GRAMD2B: variants seen among roughly 807,000 people sequenced by gnomAD.
The protein encoded by GRAMD2B is GRAM domain containing 2B.
GRAMD2B carries 41 observed loss-of-function variants against 59.2 expected under a neutral mutation model. The ratio of observed to expected loss-of-function variants is 0.69; its 90% confidence interval spans 0.54 to 0.90. The LOEUF is 0.90. Ranked by LOEUF, GRAMD2B falls within the 40% of genes least tolerant of loss-of-function variation. The pLI is 0.00. For missense variants in GRAMD2B, 424 were observed against 500.5 expected (o/e 0.85, Z 1.46); for synonymous variants, 161 against 182.7 (o/e 0.88, Z 0.96).
chr5:126,461,620 C>A (rs1390061461), intron 1 of GRAMD2B, among the ~76,000 whole-genome samples: 2 of 151,910 alleles, frequency 1.3e-5, no homozygotes, highest in African/African-American at 4.8e-5. Context: ...GCCAACACAG[C>A]GAAACCCCGT....
At chr5:126,402,823 T>A (rs1757953461) in intron 1 of GRAMD2B, among the ~76,000 whole-genome samples, 1 of 152,034 alleles carries the variant, frequency 6.6e-6, no homozygotes, top group African/African-American at 2.4e-5. Flanking sequence ...GATCCAAAAA[T>A]ATCTCTGAAC....
chr5:126,441,157 T>C (rs1276505697), intron 1 of GRAMD2B, among the ~76,000 whole-genome samples: 2 of 152,116 alleles, frequency 1.3e-5, no homozygotes, highest in Non-Finnish European at 2.9e-5. Flanking sequence ...AGAACATAAT[T>C]ATATATTTTT....
intron 1 of GRAMD2B, among the ~76,000 whole-genome samples, chr5:126,441,162 A>T (rs1763224187): frequency 6.6e-6 from 1 of 152,066 alleles, no homozygotes; most frequent in African/African-American, 2.4e-5. Flanking sequence ...ATAATTATAT[A>T]TTTTTTTCTT....
chr5:126,393,582 C>T (rs997377927), intron 1 of GRAMD2B, among the ~76,000 whole-genome samples: 1 of 152,152 alleles, frequency 6.6e-6, no homozygotes, highest in African/African-American at 2.4e-5. Context: ...CCAACTTCTC[C>T]AGAACCAGAC....
At chr5:126,394,371 G>T (rs1053024412) in intron 1 of GRAMD2B, among the ~76,000 whole-genome samples, 3 of 152,132 alleles carry the variant, frequency 2.0e-5, no homozygotes, top group African/African-American at 7.2e-5. Context: ...ATCAGTTCAG[G>T]TATTTAAAGG....
intron 1 of GRAMD2B, among the ~76,000 whole-genome samples, chr5:126,380,412 AT>A (rs370182664): frequency 0.015 from 2,301 of 149,124 alleles, 60 homozygotes; most frequent in African/African-American, 0.053. Context: ...GAATTTTAGG[AT>A]TTTTTTTTTC....
At chr5:126,412,613 G>T (rs1016010801) in intron 1 of GRAMD2B, among the ~76,000 whole-genome samples, 4 of 152,076 alleles carry the variant, frequency 2.6e-5, no homozygotes, top group Non-Finnish European at 2.9e-5. Context: ...TCAGGGTGAT[G>T]CTGGCTTTAT....
chr5:126,474,051 G>A (rs1296217042), intron 5 of GRAMD2B, among the ~76,000 whole-genome samples: 1 of 152,196 alleles, frequency 6.6e-6, no homozygotes, highest in African/African-American at 2.4e-5. Flanking sequence ...GGGACCGTGG[G>A]ACTATGGCCT....
At chr5:126,447,432 G>A (rs758859584) in intron 1 of GRAMD2B, among the ~76,000 whole-genome samples, 6 of 152,200 alleles carry the variant, frequency 3.9e-5, no homozygotes, top group Non-Finnish European at 8.8e-5. Context: ...GGAGGCCAAG[G>A]CGGGCAGATC....
rs182814970 is a variant in GRAMD2B at position 126,480,071 on chromosome 5, C to A, written c.583-385C>A. On this transcript the variant is annotated intron_variant, in intron 6 of 13. Transcript: ENST00000285689. Reference sequence around the variant, plus strand: ...CGGACCCTCGGGAATTGTTAAATACCCTTAAAAACAAAAACAGAGGGAGAG... The same window carrying A: ...CGGACCCTCGGGAATTGTTAAATACACTTAAAAACAAAAACAGAGGGAGAG... 302 of 168,084 alleles carry A rather than the reference C, an allele frequency of 1.8e-3. 2 individuals are homozygous for A. In the Middle Eastern group the frequency reaches 0.056, roughly 31 times the overall value. The allele number at this position is 168,084 out of a possible 1,614,324, so 10.4% of individuals were successfully genotyped here.
intron 1 of GRAMD2B, among the ~76,000 whole-genome samples, chr5:126,381,719 C>G (rs1005876714): frequency 1.3e-5 from 2 of 151,932 alleles, no homozygotes; most frequent in Non-Finnish European, 2.9e-5. Flanking sequence ...AGGTAGTATT[C>G]TATTCATTGT....
At chr5:126,367,030 A>G (rs1412351058), upstream of GRAMD2B, among the ~76,000 whole-genome samples, 3 of 151,722 alleles carry the variant, frequency 2.0e-5, no homozygotes, top group African/African-American at 7.3e-5. Context: ...TAATTTTTGT[A>G]TTTTTAGTAG....
At position 126,493,113 on chromosome 5, in the gene GRAMD2B, G is replaced by A. The variant is rs1774228327; in HGVS notation, c.*157G>A. 2 of 591,784 alleles carry A rather than the reference G, an allele frequency of 3.4e-6. No individual in the cohort carries two copies. 36.7% of individuals were successfully genotyped at this position (591,784 alleles called of 1,614,324 possible). A position where few individuals can be genotyped will look rare whatever the true frequency, so the allele number is the denominator to read the frequency against. On this transcript the variant is annotated 3_prime_UTR_variant, in exon 14 of 14. Transcript: ENST00000285689. ...GAGGTCTCCAGCTCAGGAAAGTGAG[G>A]AGGGAAATAATTTTGGTTCTTGTGC...
At chr5:126,447,437 C>T (rs1029113561) in intron 1 of GRAMD2B, among the ~76,000 whole-genome samples, 7 of 152,098 alleles carry the variant, frequency 4.6e-5, no homozygotes, top group East Asian at 1.9e-4. Flanking sequence ...CCAAGGCGGG[C>T]AGATCATGAG....
At chr5:126,450,651 T>C (rs1271186022) in intron 1 of GRAMD2B, among the ~76,000 whole-genome samples, 2 of 70,402 alleles carry the variant, frequency 2.8e-5, no homozygotes, top group Admixed American at 3.9e-4. Flanking sequence ...CAGCCTGCTG[T>C]TAAAAAAAAA....
intron 1 of GRAMD2B, among the ~76,000 whole-genome samples, chr5:126,375,645 C>T (rs895977658): frequency 4.6e-5 from 7 of 152,168 alleles, no homozygotes; most frequent in African/African-American, 1.2e-4. Context: ...GCTGAGATTA[C>T]AGGCATGAGC....
intron 1 of GRAMD2B, among the ~76,000 whole-genome samples, chr5:126,405,290 GCT>G (rs1259530028): frequency 7.2e-5 from 11 of 151,922 alleles, no homozygotes; most frequent in Admixed American, 6.6e-4. Flanking sequence ...AATCCCTTTG[GCT>G]CTTTTAAGTA....
intron 1 of GRAMD2B, among the ~76,000 whole-genome samples, chr5:126,372,389 T>C (rs2149692609): frequency 6.6e-6 from 1 of 152,282 alleles, no homozygotes; most frequent in South Asian, 2.1e-4. Flanking sequence ...ATCCAGAAAT[T>C]CAAGAGTTAA....
chr5:126,380,515 A>G (rs745327737), intron 1 of GRAMD2B, among the ~76,000 whole-genome samples: 2 of 152,142 alleles, frequency 1.3e-5, no homozygotes, highest in African/African-American at 2.4e-5. Flanking sequence ...CACAATATTC[A>G]TTCTACCTAT....
Sources: allele counts gnomAD v4.1 joint callset (sites outside exome capture counted in the v4.1 genomes callset), GRCh38; gene constraint gnomAD v4.1.1; transcripts MANE v1.5; gene names NCBI Gene and HGNC (gene_info 2026-07-23, HGNC 2026-07-21).